The following CWC27 variants were observed in gnomAD, a reference collection of about 807,000 sequenced individuals.
CWC27 encodes the protein CWC27 spliceosome associated cyclophilin, also known as spliceosome-associated protein CWC27 homolog.
CWC27 carries 47 observed loss-of-function variants against 63.6 expected under a neutral mutation model. The observed-to-expected ratio is 0.74, with a 90% CI of 0.58 to 0.94. CWC27 has a LOEUF of 0.94. CWC27 is among the 40% of genes least tolerant of loss of function. The pLI is 0.00. For missense variants in CWC27, 495 were observed against 554.3 expected (o/e 0.89, Z 1.07); for synonymous variants, 175 against 179.8 (o/e 0.97, Z 0.22).
chr5:64,852,783 T>G (rs1746167657), intron 10 of CWC27, among the ~76,000 whole-genome samples: 1 of 152,218 alleles, frequency 6.6e-6, no homozygotes, highest in East Asian at 1.9e-4. Context: ...ACCTTTTTTT[T>G]TTTTTAATTA....
intron 10 of CWC27, among the ~76,000 whole-genome samples, chr5:64,849,328 G>A (rs1746072237): frequency 6.6e-6 from 1 of 151,846 alleles, no homozygotes; most frequent in Non-Finnish European, 1.5e-5. Flanking sequence ...AGAAGACAAA[G>A]AAATGGAAAG....
chr5:64,988,823 C>T (rs1028366514), intron 13 of CWC27, among the ~76,000 whole-genome samples: 1 of 152,040 alleles, frequency 6.6e-6, no homozygotes, highest in South Asian at 2.1e-4. Context: ...AGGCTGGTCT[C>T]GAACTCCGTA....
chr5:64,973,990 TTTGGGAGGCCAAG>T (rs1749174336), intron 12 of CWC27, among the ~76,000 whole-genome samples: 1 of 151,984 alleles, frequency 6.6e-6, no homozygotes, highest in Non-Finnish European at 1.5e-5. Flanking sequence ...ATCCCAGGAC[TTTGGGAGGCCAAG>T]ATGGGAGGAT....
At chr5:64,788,869 C>A in intron 6 of CWC27, 82 bp from the exon 7 acceptor site, 1 of 882,838 alleles carries the variant, frequency 1.1e-6, no homozygotes, top group Non-Finnish European at 1.8e-6. Flanking sequence ...AAATTCTGTT[C>A]TCTTGCTCTG....
chr5:64,920,500 G>A (rs924876459), intron 11 of CWC27, among the ~76,000 whole-genome samples: 5 of 152,138 alleles, frequency 3.3e-5, no homozygotes, highest in Non-Finnish European at 7.4e-5. Flanking sequence ...ATGAGTTAGG[G>A]AGGAATCCCC....
chr5:64,828,527 A>T (rs73101347), intron 10 of CWC27, among the ~76,000 whole-genome samples: 1,648 of 152,100 alleles, frequency 0.011, 25 homozygotes, highest in African/African-American at 0.038. Context: ...GTTCATAGGC[A>T]GCTGTCTTTT....
Position 64,977,235 on chromosome 5 carries a change from G to T in CWC27, c.1253G>T (p.Gly418Val), listed in dbSNP as rs943438953. 5 of 1,599,468 alleles carry T rather than the reference G, an allele frequency of 3.1e-6. No individual in the cohort carries two copies. The highest frequency in any genetic ancestry group is 4.3e-6 in the Non-Finnish European group (5 of 1,167,764). ...IPETEVEDDE[G>V]WMSHVLQFED... ...GAAACAGAAGTAGAAGATGATGAAG[G>T]ATGGTAAGGGCTTTGATTTCTGTAT... Residue 418 changes from glycine to valine, a missense_variant, in exon 13 of 14, where the codon GGA (glycine) becomes GTA (valine). Transcript: ENST00000381070.
intron 11 of CWC27, among the ~76,000 whole-genome samples, chr5:64,960,582 G>A (rs10067691): frequency 0.039 from 5,930 of 151,682 alleles, 145 homozygotes; most frequent in Non-Finnish European, 0.058. Flanking sequence ...GAAAGTATGA[G>A]GTACAACTAG....
At chr5:64,825,507 T>C (rs1003722501) in intron 10 of CWC27, among the ~76,000 whole-genome samples, 1 of 152,152 alleles carries the variant, frequency 6.6e-6, no homozygotes, top group Non-Finnish European at 1.5e-5. Flanking sequence ...AATCATGTAG[T>C]TCTCCAACTT....
At chr5:64,889,990 C>A (rs1747187799) in intron 11 of CWC27, among the ~76,000 whole-genome samples, 1 of 152,166 alleles carries the variant, frequency 6.6e-6, no homozygotes, top group South Asian at 2.1e-4. Context: ...TAAATCATGT[C>A]TCTAAGTCTT....
At chr5:64,785,324 G>A (rs1332514841) in intron 4 of CWC27, among the ~76,000 whole-genome samples, 157 bp from the exon 5 acceptor site, 3 of 152,058 alleles carry the variant, frequency 2.0e-5, no homozygotes, top group Admixed American at 6.5e-5. Context: ...TCTCCTTTAA[G>A]ATAAAGTTGC....
intron 13 of CWC27, among the ~76,000 whole-genome samples, chr5:64,978,923 C>T (rs1345529282): frequency 1.3e-5 from 2 of 152,094 alleles, no homozygotes; most frequent in Non-Finnish European, 2.9e-5. Context: ...TTATTTGAAG[C>T]TCATAACCCA....
At chr5:64,772,533 A>G (rs1743298681) in intron 1 of CWC27, among the ~76,000 whole-genome samples, 1 of 143,462 alleles carries the variant, frequency 7.0e-6, no homozygotes, top group Non-Finnish European at 1.5e-5. Context: ...AGGCTAAGGC[A>G]GGGGAATTGC....
intron 11 of CWC27, 54 bp from the exon 12 acceptor site, chr5:64,971,649 G>A: frequency 7.5e-7 from 1 of 1,333,436 alleles, no homozygotes; most frequent in South Asian, 1.6e-5. Flanking sequence ...ACATTGCTAT[G>A]AATCCACAGA....
At chr5:64,806,814 C>T (rs530681439) in intron 10 of CWC27, among the ~76,000 whole-genome samples, 1 of 152,104 alleles carries the variant, frequency 6.6e-6, no homozygotes, top group South Asian at 2.1e-4. Context: ...GGCAACAGAG[C>T]AAGACCCTGT....
chr5:64,815,860 G>A (rs1745010801), intron 10 of CWC27, among the ~76,000 whole-genome samples: 1 of 152,032 alleles, frequency 6.6e-6, no homozygotes, highest in African/African-American at 2.4e-5. Context: ...ACATTAAATT[G>A]TAACTTTCTT....
intron 11 of CWC27, among the ~76,000 whole-genome samples, chr5:64,968,140 T>C (rs13178969): frequency 0.14 from 20,906 of 151,942 alleles, 1,876 homozygotes; most frequent in Admixed American, 0.28. Context: ...ACATAAAAAA[T>C]GTAATATCAC....
chr5:64,818,598 T>C (rs1745109488), intron 10 of CWC27, among the ~76,000 whole-genome samples: 1 of 152,212 alleles, frequency 6.6e-6, no homozygotes, highest in Non-Finnish European at 1.5e-5. Context: ...TATGGGACCT[T>C]GTATTTTATA....
At chr5:64,859,246 G>T (rs1746339247) in intron 10 of CWC27, among the ~76,000 whole-genome samples, 1 of 152,176 alleles carries the variant, frequency 6.6e-6, no homozygotes, top group African/African-American at 2.4e-5. Context: ...AACAGTGGTT[G>T]TGGGAGGGGG....
Sources: allele counts gnomAD v4.1 joint callset (sites outside exome capture counted in the v4.1 genomes callset), GRCh38; gene constraint gnomAD v4.1.1; transcripts MANE v1.5; gene names NCBI Gene and HGNC (gene_info 2026-07-23, HGNC 2026-07-21).